ASIC2: variants seen among roughly 807,000 people sequenced by gnomAD.
ASIC2 encodes the protein acid sensing ion channel subunit 2, also known as acid-sensing ion channel 2.
A neutral mutation model predicts 57.3 loss-of-function variants in ASIC2; 25 were observed. That is an observed-to-expected ratio of 0.44 (90% CI 0.32 to 0.61). The LOEUF (loss-of-function observed/expected upper bound fraction) is 0.61, where lower values mean the gene tolerates loss of function less well. Among genes scored for constraint, ASIC2 ranks in the 20% least tolerant of loss-of-function variants. ASIC2 has a pLI of 0.06. For synonymous variants in ASIC2, 319 were observed against 307.5 expected (o/e 1.04, Z -0.39); for missense variants, 641 against 738.1 (o/e 0.87, Z 1.52).
In ASIC2 at chr17:33,535,139, TC is replaced by T. The variant is rs984345311; in HGVS notation, c.556-423073del. ...ATGGCCATCCATCAAGGATTCCTGC[TC>T]CCTTGCAAAGACTGAATCTGTGTAG... On this transcript the variant is annotated intron_variant, in intron 1 of 9. Coordinates refer to the ASIC2 transcript ENST00000359872. 2.2e-4 allele frequency among the ~76,000 whole-genome samples: 34 copies of T among 152,122 alleles called. 1 individual carries two copies. The highest frequency in any genetic ancestry group is 8.2e-4 in the African/African-American group (34 of 41,436).
At chr17:33,886,812 A>G (rs892010673) in intron 1 of ASIC2, among the ~76,000 whole-genome samples, 2 of 152,142 alleles carry the variant, frequency 1.3e-5, no homozygotes, top group African/African-American at 4.8e-5. Context: ...ATCATGGGCT[A>G]GACATGCAGG....
intron 1 of ASIC2, among the ~76,000 whole-genome samples, chr17:33,751,622 C>T: frequency 6.6e-6 from 1 of 152,100 alleles, no homozygotes; most frequent in Non-Finnish European, 1.5e-5. Flanking sequence ...GTCTCCATCC[C>T]TCACGCTTTC....
At chr17:33,834,603 T>C (rs1227828512) in intron 1 of ASIC2, 2 of 152,318 alleles carry the variant, frequency 1.3e-5, no homozygotes, top group South Asian at 2.1e-4. Context: ...AGGTTTAACA[T>C]GGAAGAAGGG....
chr17:34,063,995 C>G (rs1909069130), intron 1 of ASIC2, among the ~76,000 whole-genome samples: 1 of 152,020 alleles, frequency 6.6e-6, no homozygotes, highest in African/African-American at 2.4e-5. Context: ...AGAATACCAC[C>G]ATCATTCTTC....
chr17:33,018,121 G>A (rs1220471674), intron 7 of ASIC2, among the ~76,000 whole-genome samples: 1 of 152,176 alleles, frequency 6.6e-6, no homozygotes, highest in African/African-American at 2.4e-5. Context: ...GGGCTTCAGG[G>A]CCACCTTAGG....
At chr17:33,553,314 T>C (rs936883446) in intron 1 of ASIC2, among the ~76,000 whole-genome samples, 1 of 152,116 alleles carries the variant, frequency 6.6e-6, no homozygotes, top group African/African-American at 2.4e-5. Context: ...TAATGAGTCA[T>C]ATTCATAATA....
intron 1 of ASIC2, among the ~76,000 whole-genome samples, chr17:34,104,705 C>G (rs1910982262): frequency 6.6e-6 from 1 of 151,986 alleles, no homozygotes; most frequent in Non-Finnish European, 1.5e-5. Context: ...GCCTTTTCTC[C>G]ATCTATTAAG....
At chr17:33,455,313 A>G (rs545760639) in intron 1 of ASIC2, among the ~76,000 whole-genome samples, 8 of 152,278 alleles carry the variant, frequency 5.3e-5, no homozygotes, top group South Asian at 2.1e-4. Context: ...ATAGTATCCA[A>G]TAGTTAGTTT....
At chr17:33,991,173 C>A (rs1041624552) in intron 1 of ASIC2, among the ~76,000 whole-genome samples, 12 of 152,096 alleles carry the variant, frequency 7.9e-5, no homozygotes, top group African/African-American at 2.9e-4. Flanking sequence ...AGAAAAATAT[C>A]TTTTCCTTAT....
At chr17:33,018,171 C>T (rs1255261761) in intron 7 of ASIC2, among the ~76,000 whole-genome samples, 1 of 152,206 alleles carries the variant, frequency 6.6e-6, no homozygotes, top group African/African-American at 2.4e-5. Flanking sequence ...GGTGTCTCCT[C>T]TCTCCCCCAT....
chr17:33,250,333 A>G (rs1381128674), intron 1 of ASIC2, among the ~76,000 whole-genome samples: 1 of 152,188 alleles, frequency 6.6e-6, no homozygotes, highest in East Asian at 1.9e-4. Context: ...GTGGCCCTGG[A>G]GGCCACAGCC....
intron 1 of ASIC2, among the ~76,000 whole-genome samples, chr17:33,612,515 C>T (rs530789207): frequency 7.9e-5 from 12 of 152,328 alleles, no homozygotes; most frequent in African/African-American, 2.4e-4. Context: ...TCTGGGTTTC[C>T]TGCTTGGAGC....
intron 1 of ASIC2, among the ~76,000 whole-genome samples, chr17:33,175,036 A>T (rs978760432): frequency 1.3e-5 from 2 of 152,176 alleles, no homozygotes; most frequent in Non-Finnish European, 2.9e-5. Flanking sequence ...CTGAGCAATT[A>T]AGATGCTATA....
chr17:33,421,409 G>A (rs772739608), intron 1 of ASIC2, among the ~76,000 whole-genome samples: 25 of 152,234 alleles, frequency 1.6e-4, no homozygotes, highest in Non-Finnish European at 3.5e-4. Flanking sequence ...GTTCTCCTCT[G>A]TAAGCGTCAG....
intron 1 of ASIC2, among the ~76,000 whole-genome samples, chr17:33,842,045 G>C (rs1913453334): frequency 6.6e-6 from 1 of 152,114 alleles, no homozygotes; most frequent in South Asian, 2.1e-4. Context: ...GTGGTGGCAG[G>C]CTGGACAACA....
At chr17:33,406,253 C>A (rs1332021299) in intron 1 of ASIC2, among the ~76,000 whole-genome samples, 1 of 152,212 alleles carries the variant, frequency 6.6e-6, no homozygotes, top group Non-Finnish European at 1.5e-5. Flanking sequence ...ATTCCAGAAG[C>A]AGAGCTCACT....
At chr17:33,083,354 C>A (rs1253754601) in intron 3 of ASIC2, among the ~76,000 whole-genome samples, 1 of 152,198 alleles carries the variant, frequency 6.6e-6, no homozygotes, top group African/African-American at 2.4e-5. Context: ...CTACATGGGA[C>A]TGTTGTACCC....
chr17:33,333,167 G>GT (rs1262944571), intron 1 of ASIC2, among the ~76,000 whole-genome samples: 1 of 152,162 alleles, frequency 6.6e-6, no homozygotes, highest in East Asian at 1.9e-4. Flanking sequence ...TTGTTTGTTT[G>GT]TTTTTAAAAG....
intron 1 of ASIC2, among the ~76,000 whole-genome samples, chr17:33,290,246 T>C (rs2142180133): frequency 6.6e-6 from 1 of 152,336 alleles, no homozygotes; most frequent in South Asian, 2.1e-4. Flanking sequence ...ATGCCAACAC[T>C]TGTTGGAACC....
Sources: allele counts gnomAD v4.1 joint callset (sites outside exome capture counted in the v4.1 genomes callset), GRCh38; gene constraint gnomAD v4.1.1; transcripts MANE v1.5; gene names NCBI Gene and HGNC (gene_info 2026-07-23, HGNC 2026-07-21).